Variants in SEMA6D observed in about 807,000 individuals in gnomAD.
SEMA6D encodes the protein semaphorin 6D, also known as semaphorin-6D.
SEMA6D carries 35 observed loss-of-function variants against 106.6 expected under a neutral mutation model. That is an observed-to-expected ratio of 0.33 (90% CI 0.25 to 0.44). SEMA6D has a LOEUF of 0.44. SEMA6D is among the 20% of genes least tolerant of loss of function. SEMA6D has a pLI of 1.00. For missense variants in SEMA6D, 1,185 were observed against 1,345.9 expected (o/e 0.88, Z 1.87); for synonymous variants, 499 against 487.7 (o/e 1.02, Z -0.31).
chr15:47,756,081 T>A (rs16960022), intron 1 of SEMA6D, among the ~76,000 whole-genome samples: 32,068 of 151,868 alleles, frequency 0.21, 3,831 homozygotes, highest in Non-Finnish European at 0.26. Flanking sequence ...GAAGTTCATA[T>A]AAAATACCAA....
At chr15:47,337,523 C>A (rs1212871671) in intron 1 of SEMA6D, among the ~76,000 whole-genome samples, 2 of 152,090 alleles carry the variant, frequency 1.3e-5, no homozygotes, top group African/African-American at 4.8e-5. Context: ...TTAAAAAAAA[C>A]AGAATATATT....
At chr15:47,606,178 G>A (rs2076778126) in intron 4 of SEMA6D, 1 of 152,232 alleles carries the variant, frequency 6.6e-6, no homozygotes, top group Non-Finnish European at 1.5e-5. Flanking sequence ...TCAGGGGCCA[G>A]TTAGAGCTGG....
chr15:47,452,836 T>C (rs538561795), intron 2 of SEMA6D, among the ~76,000 whole-genome samples: 1 of 152,152 alleles, frequency 6.6e-6, no homozygotes, highest in South Asian at 2.1e-4. Context: ...TTTCAATTTC[T>C]GTTCAGTAAT....
intron 2 of SEMA6D, among the ~76,000 whole-genome samples, chr15:47,444,927 ACT>A (rs2041984851): frequency 6.6e-6 from 1 of 152,046 alleles, no homozygotes; most frequent in Non-Finnish European, 1.5e-5. Context: ...TCACACACGG[ACT>A]TGAAGGATGA....
At chr15:47,235,698 A>G (rs2032495599) in intron 1 of SEMA6D, among the ~76,000 whole-genome samples, 1 of 152,082 alleles carries the variant, frequency 6.6e-6, no homozygotes, top group African/African-American at 2.4e-5. Context: ...TTATGTCAGT[A>G]CCATGCTGTT....
intron 1 of SEMA6D, among the ~76,000 whole-genome samples, chr15:47,365,377 C>G (rs2038973679): frequency 6.6e-6 from 1 of 152,074 alleles, no homozygotes; most frequent in African/African-American, 2.4e-5. Context: ...CCAGGGACTC[C>G]CGCAGGTGGA....
At chr15:47,398,917 C>T (rs937895018) in intron 1 of SEMA6D, among the ~76,000 whole-genome samples, 8 of 152,088 alleles carry the variant, frequency 5.3e-5, no homozygotes, top group African/African-American at 1.7e-4. Flanking sequence ...GAACTTCCAG[C>T]GGCATAACCT....
intron 9 of SEMA6D, 37 bp downstream of exon 9, chr15:47,763,141 A>G: frequency 6.7e-7 from 1 of 1,500,828 alleles, no homozygotes; most frequent in South Asian, 1.2e-5. Flanking sequence ...GTGGACTTGT[A>G]CTGCATGAAA....
At chr15:47,664,453 C>T (rs1019363585) in intron 4 of SEMA6D, among the ~76,000 whole-genome samples, 10 of 152,170 alleles carry the variant, frequency 6.6e-5, no homozygotes, top group African/African-American at 9.6e-5. Context: ...TTATTTAGAC[C>T]GGAAACCACA....
chr15:47,383,044 G>A (rs1003867671), intron 1 of SEMA6D, among the ~76,000 whole-genome samples: 18 of 152,180 alleles, frequency 1.2e-4, no homozygotes, highest in African/African-American at 4.3e-4. Context: ...GGGATTACAG[G>A]CATGAGCCAC....
At chr15:47,368,406 C>CTTTTGTGTG (rs2039140710) in intron 1 of SEMA6D, among the ~76,000 whole-genome samples, 1 of 152,202 alleles carries the variant, frequency 6.6e-6, no homozygotes, top group Non-Finnish European at 1.5e-5. Context: ...CCACACAATC[C>CTTTTGTGTG]AGGCCACTCT....
At chr15:47,521,705 G>A (rs1001902587) in intron 3 of SEMA6D, among the ~76,000 whole-genome samples, 1 of 152,160 alleles carries the variant, frequency 6.6e-6, no homozygotes, top group Non-Finnish European at 1.5e-5. Flanking sequence ...AAGATTCACG[G>A]CTGGGCACGG....
chr15:47,661,518 C>G (rs890715387), intron 4 of SEMA6D, among the ~76,000 whole-genome samples: 1 of 152,202 alleles, frequency 6.6e-6, no homozygotes, highest in African/African-American at 2.4e-5. Context: ...GCTGGCTTCT[C>G]CCATTCTCTC....
At chr15:47,383,941 G>A (rs1248270108) in intron 1 of SEMA6D, among the ~76,000 whole-genome samples, 1 of 152,168 alleles carries the variant, frequency 6.6e-6, no homozygotes, top group African/African-American at 2.4e-5. Flanking sequence ...CTTCCACAAA[G>A]CACATGCACA....
rs147998714 is a variant in SEMA6D at position 47,325,575 on chromosome 15, C to T, written c.-238-86818C>T. On this transcript the variant is annotated intron_variant, in intron 1 of 19. Transcript: ENST00000558014. Reference sequence around the variant, plus strand: ...TTTAAAGTGTATTACCTTCCAAGGCCTCATCTCTAAAAGTAAAAACAACCT... The same window carrying T: ...TTTAAAGTGTATTACCTTCCAAGGCTTCATCTCTAAAAGTAAAAACAACCT... 3.7e-3 allele frequency among the ~76,000 whole-genome samples: 560 copies of T among 152,208 alleles called. 2 individuals carry two copies. Among genetic ancestry groups the T allele is most frequent in the African/African-American group, 0.013 (536 of 41,538 alleles).
intron 3 of SEMA6D, among the ~76,000 whole-genome samples, chr15:47,587,043 A>G (rs2076354405): frequency 6.6e-6 from 1 of 152,086 alleles, no homozygotes; most frequent in African/African-American, 2.4e-5. Context: ...GAGAAGAGTT[A>G]TTGTAGTATA....
At chr15:47,601,115 AG>A (rs1424118783) in intron 4 of SEMA6D, among the ~76,000 whole-genome samples, 2 of 151,712 alleles carry the variant, frequency 1.3e-5, no homozygotes, top group Non-Finnish European at 1.5e-5. Context: ...AGAGAGAGAG[AG>A]AAAGAGAGAG....
upstream of SEMA6D, among the ~76,000 whole-genome samples, chr15:47,713,138 C>T (rs1280628539): frequency 6.6e-6 from 1 of 152,104 alleles, no homozygotes; most frequent in African/African-American, 2.4e-5. Context: ...CACAGTGACA[C>T]CTACAGAGTC....
At position 47,202,196 on chromosome 15, in the gene SEMA6D, C is replaced by T. The variant is rs939349688; in HGVS notation, c.-239+17778C>T. ...CCCTGACCCCATCAGGAATGTTAGGCGACCATCAGGTGATTGTCGGGAAGT... is the reference window on the plus strand; with the variant it reads ...CCCTGACCCCATCAGGAATGTTAGGTGACCATCAGGTGATTGTCGGGAAGT... On this transcript the variant is annotated intron_variant, in intron 1 of 19. Transcript: ENST00000558014. 3.3e-5 allele frequency among the ~76,000 whole-genome samples: 5 copies of T among 151,952 alleles called. No individual in the cohort carries two copies. In the East Asian group the frequency reaches 5.8e-4, roughly 18 times the overall value.
Sources: allele counts gnomAD v4.1 joint callset (sites outside exome capture counted in the v4.1 genomes callset), GRCh38; gene constraint gnomAD v4.1.1; transcripts MANE v1.5; gene names NCBI Gene and HGNC (gene_info 2026-07-23, HGNC 2026-07-21).